The following NSMCE2 variants were observed in gnomAD, a reference collection of about 807,000 sequenced individuals.
NSMCE2 encodes the protein NSE2 SUMO ligase component of SMC5/6 complex.
Under a neutral mutation model 23.8 loss-of-function variants are expected in NSMCE2, and 24 were observed. That is an observed-to-expected ratio of 1.01 (90% CI 0.73 to 1.42). The LOEUF (loss-of-function observed/expected upper bound fraction) is 1.42, where lower values mean the gene tolerates loss of function less well. Ranked by LOEUF, NSMCE2 falls within the 40% of genes most tolerant of loss-of-function variation. The pLI is 0.00. For synonymous variants in NSMCE2, 92 were observed against 94.1 expected, an observed-to-expected ratio of 0.98 and a Z score of 0.13; for missense variants, 284 against 296.5, an observed-to-expected ratio of 0.96 and a Z score of 0.31.
chr8:125,363,903 A>ACTCAGGT (rs1813675025), intron 7 of NSMCE2, among the ~76,000 whole-genome samples: 1 of 152,158 alleles, frequency 6.6e-6, no homozygotes, highest in Non-Finnish European at 1.5e-5. Flanking sequence ...ATTATGATTT[A>ACTCAGGT]ACACATCATG....
Position 125,189,815 on chromosome 8 carries a change from A to G in NSMCE2, c.418+7559A>G, listed in dbSNP as rs75518087. ...AATTTTGTGTATATAACCCTTTACA[A>G]TGATATGTTGGCACAAACATATAGT... On this transcript the variant is annotated intron_variant, in intron 5 of 7. Coordinates refer to ENST00000287437, the MANE Select transcript of NSMCE2 (RefSeq NM_173685.4). Among the ~76,000 whole-genome samples, 476 of 152,362 alleles carry G rather than the reference A, an allele frequency of 3.1e-3. 3 individuals carry two copies. The highest frequency in any genetic ancestry group is 0.011 in the African/African-American group (448 of 41,586).
chr8:125,294,706 C>T (rs752043703), intron 5 of NSMCE2, among the ~76,000 whole-genome samples: 5 of 152,206 alleles, frequency 3.3e-5, no homozygotes, highest in Middle Eastern at 3.4e-3. Flanking sequence ...TAGAATTATA[C>T]GTGAAAAAAC....
chr8:125,277,216 G>T (rs1827482993), intron 5 of NSMCE2, among the ~76,000 whole-genome samples: 1 of 152,066 alleles, frequency 6.6e-6, no homozygotes, highest in Non-Finnish European at 1.5e-5. Flanking sequence ...TGTGACATGG[G>T]TTTATCAACC....
intron 5 of NSMCE2, among the ~76,000 whole-genome samples, chr8:125,202,447 A>G (rs562672521): frequency 1.2e-4 from 19 of 152,334 alleles, no homozygotes; most frequent in African/African-American, 4.6e-4. Flanking sequence ...CCATGGAAAG[A>G]TAACTGGAAT....
chr8:125,225,894 A>G (rs1386135512), intron 5 of NSMCE2, among the ~76,000 whole-genome samples: 1 of 152,202 alleles, frequency 6.6e-6, no homozygotes, highest in Non-Finnish European at 1.5e-5. Context: ...ATACAATATT[A>G]TCGTTCTCTT....
intron 5 of NSMCE2, among the ~76,000 whole-genome samples, chr8:125,231,058 A>G (rs1026307174): frequency 2.0e-5 from 3 of 152,168 alleles, no homozygotes; most frequent in African/African-American, 7.2e-5. Context: ...TCTAATATAT[A>G]TTATTCTGGT....
chr8:125,262,332 G>T (rs1005460128), intron 5 of NSMCE2, among the ~76,000 whole-genome samples: 14 of 151,998 alleles, frequency 9.2e-5, no homozygotes. Context: ...GACTGAGGCA[G>T]GAAATGGCAT....
At chr8:125,150,426 C>CTTTTTTTTTTTTTTTTTTT (rs71295819) in intron 3 of NSMCE2, among the ~76,000 whole-genome samples, 13 of 61,852 alleles carry the variant, frequency 2.1e-4, no homozygotes, top group Non-Finnish European at 2.8e-4. Flanking sequence ...TTCTTTCTTT[C>CTTTTTTTTTTTTTTTTTTT]TTTTTTTTTT....
At chr8:125,223,997 T>C (rs1824987534) in intron 5 of NSMCE2, among the ~76,000 whole-genome samples, 1 of 151,954 alleles carries the variant, frequency 6.6e-6, no homozygotes, top group Non-Finnish European at 1.5e-5. Context: ...AAACCATGCC[T>C]GGCTAATTTT....
At chr8:125,217,414 G>A (rs951249278) in intron 5 of NSMCE2, among the ~76,000 whole-genome samples, 1 of 151,934 alleles carries the variant, frequency 6.6e-6, no homozygotes, top group African/African-American at 2.4e-5. Context: ...AGGCTGAAGT[G>A]CAGTGGCATG....
At chr8:125,169,663 C>A (rs1295273033) in intron 4 of NSMCE2, among the ~76,000 whole-genome samples, 2 of 152,182 alleles carry the variant, frequency 1.3e-5, no homozygotes, top group Admixed American at 6.5e-5. Flanking sequence ...ACTGGCTGCA[C>A]ACAGTTGCTG....
intron 7 of NSMCE2, among the ~76,000 whole-genome samples, chr8:125,362,789 C>T (rs1813613656): frequency 6.6e-6 from 1 of 152,208 alleles, no homozygotes; most frequent in Non-Finnish European, 1.5e-5. Context: ...CCTCAGTGAA[C>T]TCAGACCTTG....
At chr8:125,300,126 G>A (rs991408830) in intron 5 of NSMCE2, among the ~76,000 whole-genome samples, 11 of 149,970 alleles carry the variant, frequency 7.3e-5, no homozygotes, top group African/African-American at 1.5e-4. Context: ...GACAATTTTC[G>A]GCTTTCTTGT....
chr8:125,197,384 A>C (rs1823670883), intron 5 of NSMCE2, among the ~76,000 whole-genome samples: 1 of 152,212 alleles, frequency 6.6e-6, no homozygotes, highest in Non-Finnish European at 1.5e-5. Flanking sequence ...ATAAGGTGTA[A>C]GGAAGGGATC....
rs551680391 is a variant in NSMCE2, at chr8:125,152,224, C to T, written c.264+947C>T. On this transcript the variant is annotated intron_variant, in intron 4 of 7. Coordinates refer to ENST00000287437, the MANE Select transcript of NSMCE2 (RefSeq NM_173685.4). The stretch of plus-strand genomic sequence containing the variant: ...ACTCATTCAGCTTGTAAAATTTTGA[C>T]GTTTCTGGCTATTGTGACTGTTAGT... 1.4e-4 allele frequency among the ~76,000 whole-genome samples: 22 copies of T among 152,166 alleles called. No homozygotes were observed. In the East Asian group the frequency reaches 3.9e-3, roughly 27 times the overall value.
chr8:125,098,809 G>A (rs567717249), intron 1 of NSMCE2, among the ~76,000 whole-genome samples: 1 of 152,140 alleles, frequency 6.6e-6, no homozygotes, highest in South Asian at 2.1e-4. Flanking sequence ...GGGGTAGGGT[G>A]GGAGAGAAGG....
At chr8:125,253,465 G>A (rs931580926) in intron 5 of NSMCE2, among the ~76,000 whole-genome samples, 6 of 152,148 alleles carry the variant, frequency 3.9e-5, no homozygotes, top group African/African-American at 7.2e-5. Flanking sequence ...GCAGAGTTTC[G>A]GGTGGAGTTT....
chr8:125,151,261 A>C lies in NSMCE2; in HGVS notation c.248A>C (p.Gln83Pro). ...CTAAACCATTATGTAAAGGCTGTTCAATCTACAATAAATCATGTAAGTTTA... is the reference window on the plus strand; with the variant it reads ...CTAAACCATTATGTAAAGGCTGTTCCATCTACAATAAATCATGTAAGTTTA... ...RQLNHYVKAVQSTINHVKEER... is the reference protein window; with the variant it reads ...RQLNHYVKAVPSTINHVKEER... The change falls in exon 4 of 8, where the codon CAA (glutamine) becomes CCA (proline). Residue 83 changes from glutamine (Q) to proline (P), a missense_variant. By Grantham distance (76) the Gln-to-Pro change is moderately conservative. This residue lies in a region of NSMCE2 where 182 missense variants were observed against 155.5 expected (regional missense o/e 1.17). Transcript: ENST00000287437. 1 of 1,576,140 alleles carries C rather than the reference A, an allele frequency of 6.3e-7. No homozygotes were observed. The highest frequency in any genetic ancestry group is 8.7e-7 in the Non-Finnish European group (1 of 1,146,606).
At chr8:125,323,218 A>T (rs148190439) in intron 5 of NSMCE2, among the ~76,000 whole-genome samples, 3 of 152,240 alleles carry the variant, frequency 2.0e-5, no homozygotes, top group Admixed American at 2.0e-4. Flanking sequence ...TAAGATGCCA[A>T]TTCTCACCGA....
Sources: allele counts gnomAD v4.1 joint callset (sites outside exome capture counted in the v4.1 genomes callset), GRCh38; gene constraint gnomAD v4.1.1; regional missense constraint gnomAD v4.1.1; transcripts MANE v1.5; gene names NCBI Gene and HGNC (gene_info 2026-07-23, HGNC 2026-07-21).